Variants in PLAGL2 observed in about 807,000 individuals in gnomAD.
PLAGL2 encodes the protein zinc finger protein PLAGL2.
Under a neutral mutation model 29.0 loss-of-function variants are expected in PLAGL2, and 7 were observed. The ratio of observed to expected loss-of-function variants is 0.24; its 90% CI spans 0.14 to 0.45. The LOEUF is 0.45. Ranked by LOEUF, PLAGL2 falls within the 20% of genes least tolerant of loss-of-function variation. The pLI is 0.99. For missense variants in PLAGL2, 454 were observed against 648.2 expected, an observed-to-expected ratio of 0.70 and a Z score of 3.25; for synonymous variants, 234 against 266.0, an observed-to-expected ratio of 0.88 and a Z score of 1.17.
At position 32,197,691 on chromosome 20, in the gene PLAGL2, A is replaced by G; in HGVS notation, c.261-9T>C. 1 of 1,611,224 alleles carries G rather than the reference A, an allele frequency of 6.2e-7. No homozygotes were observed. The highest frequency in any genetic ancestry group is 8.5e-7 in the Non-Finnish European group (1 of 1,177,784). ...AGTGGGTGGCCATGTGCCTGGGGGT[A>G]GAGACAGGGGATAGGGGAGAAAGCA... On this transcript the variant is annotated splice_polypyrimidine_tract_variant and intron_variant, in intron 2 of 2. Transcript: ENST00000246229. The surrounding 1 kb of genome is among the most constrained non-coding windows in gnomAD (Gnocchi z 6.6).
At position 32,207,694 on chromosome 20, in the gene PLAGL2, C is replaced by T; in HGVS notation, c.-168G>A. On this transcript the variant is annotated 5_prime_UTR_variant, in exon 1 of 3. Transcript: ENST00000246229. The stretch of plus-strand genomic sequence containing the variant: ...GGCCGCGCTCGGGCTCCGCCAGGCC[C>T]CCTCAGGCCCCGGTAGTGGCGGCGG... 3.9e-6 allele frequency: 1 copy of T among 257,304 alleles called. No homozygotes were observed. Among genetic ancestry groups the T allele is most frequent in the Non-Finnish European group, 6.8e-6 (1 of 146,932 alleles). The allele number at this position is 257,304 out of a possible 1,614,324, so 15.9% of individuals were successfully genotyped here.
rs1312779393 is a variant in PLAGL2 at position 32,195,513 on chromosome 20, G to A, written c.*939C>T. ...GTCATAATGTACTTGGAGAAAAACAGAATTGCAGACCTGTGAGAAAACTGC... is the reference window on the plus strand; with the variant it reads ...GTCATAATGTACTTGGAGAAAAACAAAATTGCAGACCTGTGAGAAAACTGC... On this transcript the variant is annotated 3_prime_UTR_variant, in exon 3 of 3. Transcript: ENST00000246229. 1 of 152,702 alleles carries A rather than the reference G, an allele frequency of 6.5e-6. No individual in the cohort carries two copies. The highest frequency in any genetic ancestry group is 2.4e-5 in the African/African-American group (1 of 41,468). 9.5% of individuals were successfully genotyped at this position (152,702 alleles called of 1,614,324 possible). A position where few individuals can be genotyped will look rare whatever the true frequency, so the allele number is the denominator to read the frequency against.
intron 2 of PLAGL2, among the ~76,000 whole-genome samples, chr20:32,198,861 T>C (rs2047243764): frequency 6.6e-6 from 1 of 152,242 alleles, no homozygotes; most frequent in African/African-American, 2.4e-5. Context: ...TCATTCATTC[T>C]TCACTGCATG....
At chr20:32,198,839 C>T (rs912677164) in intron 2 of PLAGL2, among the ~76,000 whole-genome samples, 3 of 152,160 alleles carry the variant, frequency 2.0e-5, no homozygotes, top group Admixed American at 6.5e-5. Flanking sequence ...ATAGTGACTT[C>T]GAGTGTGAGG....
Position 32,200,246 on chromosome 20 carries a change from C to CT in PLAGL2, c.260+1672dup, listed in dbSNP as rs374852127. ...TGCATCAGGCCAATCTATCTCATTT[C>CT]TTTTTTTTTGAGACGGAGTCTCGCT... On this transcript the variant is annotated intron_variant, in intron 2 of 2. Coordinates refer to ENST00000246229, the MANE Select transcript of PLAGL2 (RefSeq NM_002657.3). 2.6e-3 allele frequency among the ~76,000 whole-genome samples: 388 copies of CT among 151,828 alleles called. 2 individuals are homozygous for CT. Among genetic ancestry groups the CT allele is most frequent in the African/African-American group, 8.4e-3 (348 of 41,430 alleles).
chr20:32,201,538 C>A (rs139067023), intron 2 of PLAGL2, among the ~76,000 whole-genome samples: 1 of 152,170 alleles, frequency 6.6e-6, no homozygotes, highest in South Asian at 2.1e-4. Flanking sequence ...GAGCTGATTG[C>A]ACCACTGTAC....
chr20:32,205,325 T>A (rs990600537), intron 1 of PLAGL2, among the ~76,000 whole-genome samples: 1 of 152,154 alleles, frequency 6.6e-6, no homozygotes, highest in Non-Finnish European at 1.5e-5. Flanking sequence ...AGTCTTCCCC[T>A]TTTCCCTCAC....
At chr20:32,202,576 C>T (rs2047265487) in intron 1 of PLAGL2, among the ~76,000 whole-genome samples, 1 of 152,208 alleles carries the variant, frequency 6.6e-6, no homozygotes, top group South Asian at 2.1e-4. Context: ...TTACTAGTAC[C>T]ATCTAGGCTA....
At position 32,194,558 on chromosome 20, in the gene PLAGL2, G is replaced by C. The variant is rs1194133167; in HGVS notation, c.*1894C>G. The C allele has an allele frequency of 6.6e-6, 1 of 152,658 alleles. No homozygotes were observed. Among genetic ancestry groups the C allele is most frequent in the Non-Finnish European group, 1.5e-5 (1 of 68,046 alleles). The allele number at this position is 152,658 out of a possible 1,614,324, so 9.5% of individuals were successfully genotyped here. On this transcript the variant is annotated 3_prime_UTR_variant, in exon 3 of 3. Coordinates refer to ENST00000246229, the MANE Select transcript of PLAGL2 (RefSeq NM_002657.3). Reference sequence around the variant, plus strand: ...CCAAATTGCTTCTAATCAAGAGCTAGGGAGCTAAATTTTAAGGCTTTTACC... The same window carrying C: ...CCAAATTGCTTCTAATCAAGAGCTACGGAGCTAAATTTTAAGGCTTTTACC...
rs1310546306 is a variant in PLAGL2, at chr20:32,196,427, A to G, written c.*25T>C. On this transcript the variant is annotated 3_prime_UTR_variant, in exon 3 of 3. Coordinates refer to ENST00000246229, the MANE Select transcript of PLAGL2 (RefSeq NM_002657.3). ...CTAAGGCTCCATAACAGAGCCAAAA[A>G]CTGAGCTGAGGGCCTCTGTGGGGGC... The G allele has an allele frequency of 7.6e-6, 11 of 1,445,976 alleles. No individual in the cohort carries two copies. The highest frequency in any genetic ancestry group is 1.9e-4 in the Middle Eastern group (1 of 5,242). The allele number at this position is 1,445,976 out of a possible 1,614,324, so 89.6% of individuals were successfully genotyped here.
At chr20:32,201,608 C>A (rs1467805974) in intron 2 of PLAGL2, among the ~76,000 whole-genome samples, 2 of 152,072 alleles carry the variant, frequency 1.3e-5, no homozygotes, top group African/African-American at 4.8e-5. Flanking sequence ...AACAAACAAA[C>A]AAAACTCAAG....
At chr20:32,204,754 C>G (rs1015180532) in intron 1 of PLAGL2, among the ~76,000 whole-genome samples, 2 of 152,180 alleles carry the variant, frequency 1.3e-5, no homozygotes, top group Non-Finnish European at 2.9e-5. Context: ...AAGGCCTGTT[C>G]CTTCAGACTT....
chr20:32,198,367 A>G (rs2047241103), intron 2 of PLAGL2, among the ~76,000 whole-genome samples: 6 of 152,248 alleles, frequency 3.9e-5, no homozygotes. Context: ...CAGTCTGGGC[A>G]CAGTGGTGCA....
chr20:32,206,426 G>T (rs77706523), intron 1 of PLAGL2, among the ~76,000 whole-genome samples: 1 of 151,410 alleles, frequency 6.6e-6, no homozygotes, highest in East Asian at 2.0e-4. Flanking sequence ...GAGTCTCTTT[G>T]ATTCACTATT....
At chr20:32,202,498 T>C (rs919180977) in intron 1 of PLAGL2, among the ~76,000 whole-genome samples, 4 of 152,060 alleles carry the variant, frequency 2.6e-5, no homozygotes, top group African/African-American at 9.7e-5. Context: ...GAGGATTAAA[T>C]GAGATCATGA....
At chr20:32,200,668 G>A (rs1339600211) in intron 2 of PLAGL2, among the ~76,000 whole-genome samples, 2 of 151,968 alleles carry the variant, frequency 1.3e-5, no homozygotes, top group Non-Finnish European at 1.5e-5. Flanking sequence ...TCAGTTCACT[G>A]CAACCTCCTT....
Position 32,202,084 on chromosome 20 carries a change from C to T in PLAGL2, c.95G>A (p.Arg32Gln), listed in dbSNP as rs1235442861. Reference protein sequence around the residue: ...GWKLVPRPRGREAESQVKCQC... With the variant: ...GWKLVPRPRGQEAESQVKCQC... Reference sequence around the variant, plus strand: ...GCACTTCACTTGACTCTCCGCCTCCCGGCCCCGAGGCCTGGGAACTAGTTT... The same window carrying T: ...GCACTTCACTTGACTCTCCGCCTCCTGGCCCCGAGGCCTGGGAACTAGTTT... Residue 32 changes from arginine to glutamine, a missense_variant, in exon 2 of 3, where the codon CGG becomes CAG. Physicochemically the swap from Arg to Gln is conservative, Grantham distance 43. Transcript: ENST00000246229. 5.0e-6 allele frequency: 8 copies of T among 1,614,098 alleles called. 1 individual carries two copies. The South Asian group carries it at 5.5e-5, about 11-fold the overall frequency.
At chr20:32,203,784 C>A (rs988122463) in intron 1 of PLAGL2, among the ~76,000 whole-genome samples, 2 of 152,212 alleles carry the variant, frequency 1.3e-5, no homozygotes, top group African/African-American at 4.8e-5. Context: ...ACATGAGCTA[C>A]GTCCTGTTCA....
intron 2 of PLAGL2, among the ~76,000 whole-genome samples, chr20:32,198,914 C>T (rs1168933168): frequency 6.6e-6 from 1 of 152,166 alleles, no homozygotes; most frequent in Admixed American, 6.5e-5. Flanking sequence ...AAACCAGTAA[C>T]ACTTTAAGAA....
Sources: gnomAD v4.1 joint callset for allele counts (sites outside exome capture counted in the v4.1 genomes callset) on GRCh38, gnomAD v4.1.1 for gene constraint, Gnocchi (gnomAD v3.1) non-coding constraint, MANE v1.5 for transcripts, NCBI Gene and HGNC (gene_info 2026-07-23, HGNC 2026-07-21) for gene names.